ZNF772: variants seen among roughly 807,000 people sequenced by gnomAD.
ZNF772 encodes the protein zinc finger protein 772.
A neutral mutation model predicts 11.0 loss-of-function variants in ZNF772; 8 were observed. The observed-to-expected ratio is 0.73, with a 90% CI of 0.43 to 1.31. The LOEUF is 1.31. Among genes scored for constraint, ZNF772 ranks in the 50% most tolerant of loss-of-function variants. The pLI, the probability that ZNF772 is intolerant of heterozygous loss-of-function variation, is 0.01. For synonymous variants in ZNF772, 155 were observed against 180.4 expected (o/e 0.86, Z 1.13); for missense variants, 496 against 552.3 (o/e 0.90, Z 1.02).
chr19:57,476,491 G>T, intron 2 of ZNF772, 143 bp downstream of exon 2: 1 of 994,996 alleles, frequency 1.0e-6, no homozygotes, highest in South Asian at 1.4e-5. Context: ...CCGGAGTCAG[G>T]ACCCTGGGCT....
chr19:57,473,412 G>A lies in ZNF772; in HGVS notation c.1209C>T (p.Ser403=). 1.2e-6 allele frequency: 2 copies of A among 1,613,452 alleles called. No individual in the cohort carries two copies. The highest frequency in any genetic ancestry group is 1.7e-6 in the Non-Finnish European group (2 of 1,179,886). Residue 403 remains serine (S), a synonymous_variant, in exon 4 of 4, where the codon AGC becomes AGT. Transcript: ENST00000356584. ...GATGCTGAACAAGTACATGTTTGTGGCTAAAGGCTTTTCCACATTCACTGC... is the reference window on the plus strand; with the variant it reads ...GATGCTGAACAAGTACATGTTTGTGACTAAAGGCTTTTCCACATTCACTGC... ...YVCSECGKAF[S]HKHVLVQHHR... is the part of the protein sequence containing the mutation.
In ZNF772 at chr19:57,475,546, C is replaced by G; in HGVS notation, c.199+114G>C. 2 of 1,542,828 alleles carry G rather than the reference C, an allele frequency of 1.3e-6. No homozygotes were observed. The highest frequency in any genetic ancestry group is 1.4e-5 in the African/African-American group (1 of 73,442). On this transcript the variant is annotated intron_variant, in intron 3 of 3. Coordinates refer to ENST00000356584, the MANE Select transcript of ZNF772 (RefSeq NM_001144068.2). This position sits in a 1 kb window ranked among gnomAD's most constrained non-coding sequence, Gnocchi z 4.2. Reference sequence around the variant, plus strand: ...GCACTCACAGAACCTACTCCAGGCACTAAGAAATGAGACAGTGTCCACGGC... The same window carrying G: ...GCACTCACAGAACCTACTCCAGGCAGTAAGAAATGAGACAGTGTCCACGGC...
rs2089221763 is a variant in ZNF772 at position 57,472,113 on chromosome 19, TG to T, written c.*1160del. The T allele has an allele frequency of 2.2e-6, 1 of 456,234 alleles. No homozygotes were observed. The highest frequency in any genetic ancestry group is 2.0e-5 in the African/African-American group (1 of 50,196). 28.3% of individuals were successfully genotyped at this position (456,234 alleles called of 1,614,324 possible). The stretch of plus-strand genomic sequence containing the variant: ...GAAATATTTCTGTAAACCCTCATAA[TG>T]GAGCCAGAGTAATGGAAACACATGT... On this transcript the variant is annotated 3_prime_UTR_variant, in exon 4 of 4. Coordinates refer to ENST00000356584, the MANE Select transcript of ZNF772 (RefSeq NM_001144068.2).
Position 57,473,519 on chromosome 19 carries a change from T to C in ZNF772, c.1102A>G (p.Ile368Val). 1.2e-6 allele frequency: 2 copies of C among 1,613,954 alleles called. No homozygotes were observed. ...TGGCTAAAGAACTTCCCACATGCGA[T>C]GCACTCATAAGGCCTTGCTCCAGTA... The part of the protein sequence containing the change: ...VHTGARPYEC[I>V]ACGKFFSQSS... Residue 368 changes from isoleucine to valine, a missense_variant, in exon 4 of 4, where the codon ATC (isoleucine) becomes GTC (valine). By Grantham distance (29) the Ile-to-Val change is conservative (BLOSUM62 3). Transcript: ENST00000356584.
rs2089205819 is a variant in ZNF772 at position 57,470,849 on chromosome 19, G to A, written c.*2425C>T. 1 of 152,182 alleles carries A rather than the reference G, an allele frequency of 6.6e-6. No homozygotes were observed. The highest frequency in any genetic ancestry group is 2.4e-5 in the African/African-American group (1 of 41,460). The allele number at this position is 152,182 out of a possible 1,614,324, so 9.4% of individuals were successfully genotyped here. Reference sequence around the variant, plus strand: ...CTCTAGAGATAGATGGATGGATGGAGTGACAAACAGATGGACGGACAGACA... The same window carrying A: ...CTCTAGAGATAGATGGATGGATGGAATGACAAACAGATGGACGGACAGACA... On this transcript the variant is annotated 3_prime_UTR_variant, in exon 4 of 4. Transcript: ENST00000356584.
rs760129252 is a variant in ZNF772, at chr19:57,475,624, C to T, written c.199+36G>A. ...TGAAAAAAAGGGGAAGGGCAGGACC[C>T]AGTCCAAGTCACTGGGGTGGATGTG... On this transcript the variant is annotated intron_variant, in intron 3 of 3. Transcript: ENST00000356584. The surrounding 1 kb of genome is among the most constrained non-coding windows in gnomAD (Gnocchi z 4.2). 11 of 1,613,206 alleles carry T rather than the reference C, an allele frequency of 6.8e-6. No homozygotes were observed. The highest frequency in any genetic ancestry group is 9.3e-6 in the Non-Finnish European group (11 of 1,179,506).
In ZNF772 at chr19:57,474,232, G is replaced by A; in HGVS notation, c.389C>T (p.Pro130Leu). 6.2e-7 allele frequency: 1 copy of A among 1,614,168 alleles called. No individual in the cohort carries two copies. Among genetic ancestry groups the A allele is most frequent in the African/African-American group, 1.3e-5 (1 of 75,032 alleles). Residue 130 changes from proline (P) to leucine (L), a missense_variant, in exon 4 of 4, where the codon CCA becomes CTA. Pro to Leu is a moderately conservative substitution (Grantham distance 98). Coordinates refer to ENST00000356584, the MANE Select transcript of ZNF772 (RefSeq NM_001144068.2). The stretch of plus-strand genomic sequence containing the variant: ...TTTCCCACACAGCACACACATGTAT[G>A]GTTTCTGCCCTGGGTGTGTTTCCTG... ...EHQETHPGQK[P>L]YMCVLCGKQF...
Position 57,473,912 on chromosome 19 carries a change from T to G in ZNF772, c.709A>C (p.Lys237Gln). The change falls in exon 4 of 4, where the codon AAA becomes CAA. Residue 237 changes from lysine to glutamine, a missense_variant. Lys to Gln is a moderately conservative substitution (Grantham distance 53). Transcript: ENST00000356584. ...CSECGKTFSR[K>Q]DSLVQHQRVH... The stretch of plus-strand genomic sequence containing the variant: ...CTCTGGTGTTGAACAAGTGAGTCTT[T>G]GCGGCTGAAGGTTTTCCCACATTCA... The G allele has an allele frequency of 6.2e-7, 1 of 1,614,218 alleles. No individual in the cohort carries two copies. The highest frequency in any genetic ancestry group is 1.1e-5 in the South Asian group (1 of 91,080).
At position 57,475,251 on chromosome 19, in the gene ZNF772, C is replaced by T; in HGVS notation, c.199+409G>A. ...GTCTTGCAGGAATAGTGCAGTGGTC[C>T]TAGCAAGTAGCGACCATAATGGTCC... On this transcript the variant is annotated intron_variant, in intron 3 of 3. Coordinates refer to ENST00000356584, the MANE Select transcript of ZNF772 (RefSeq NM_001144068.2). This position sits in a 1 kb window ranked among gnomAD's most constrained non-coding sequence, Gnocchi z 4.2. The T allele has an allele frequency of 7.1e-7, 1 of 1,409,186 alleles. No homozygotes were observed. The highest frequency in any genetic ancestry group is 1.3e-5 in the South Asian group (1 of 76,090). The allele number at this position is 1,409,186 out of a possible 1,614,324, so 87.3% of individuals were successfully genotyped here.
chr19:57,477,313 G>T lies in ZNF772; in HGVS notation c.-4C>A, dbSNP rs145139686. 2 of 1,609,068 alleles carry T rather than the reference G, an allele frequency of 1.2e-6. No individual in the cohort carries two copies. Among genetic ancestry groups the T allele is most frequent in the Non-Finnish European group, 1.7e-6 (2 of 1,177,404 alleles). On this transcript the variant is annotated 5_prime_UTR_variant, in exon 1 of 4. Coordinates refer to ENST00000356584, the MANE Select transcript of ZNF772 (RefSeq NM_001144068.2). ...CCATCGGCTCAGCCGCCGCCATCAGGCCTGTGGACTACGGAAGGGTGGCGA... is the reference window on the plus strand; with the variant it reads ...CCATCGGCTCAGCCGCCGCCATCAGTCCTGTGGACTACGGAAGGGTGGCGA...
chr19:57,477,121 C>G (rs2089293417), intron 1 of ZNF772, among the ~76,000 whole-genome samples, 156 bp downstream of exon 1: 1 of 152,222 alleles, frequency 6.6e-6, no homozygotes, highest in South Asian at 2.1e-4. Context: ...CTGGAACGTC[C>G]TTCAACTCGT....
chr19:57,471,710 A>G lies in ZNF772; in HGVS notation c.*1564T>C, dbSNP rs2360764. 98,995 of 155,146 alleles carry G rather than the reference A, an allele frequency of 0.64. 31,573 individuals are homozygous for G. Among genetic ancestry groups the G allele is most frequent in the South Asian group, 0.73 (3,742 of 5,134 alleles). The allele number at this position is 155,146 out of a possible 1,614,324, so 9.6% of individuals were successfully genotyped here. A position where few individuals can be genotyped will look rare whatever the true frequency, so the allele number is the denominator to read the frequency against. ...GTTCTCTCCTGGATCACTTGCTTTG[A>G]AACTATTTCTCTACAATGGAACACT... On this transcript the variant is annotated 3_prime_UTR_variant, in exon 4 of 4. Coordinates refer to ENST00000356584, the MANE Select transcript of ZNF772 (RefSeq NM_001144068.2).
intron 3 of ZNF772, among the ~76,000 whole-genome samples, chr19:57,474,860 G>A (rs2089264072): frequency 6.6e-6 from 1 of 152,246 alleles, no homozygotes; most frequent in Admixed American, 6.5e-5. Flanking sequence ...GCCATGGAGA[G>A]GAACAGGTGA....
chr19:57,476,843 C>G (rs974259951), intron 1 of ZNF772, among the ~76,000 whole-genome samples, 171 bp from the exon 2 acceptor site: 33 of 152,178 alleles, frequency 2.2e-4, no homozygotes, highest in Non-Finnish European at 2.5e-4. Context: ...GAACAGTGCT[C>G]ATTATCCGCC....
At position 57,473,290 on chromosome 19, in the gene ZNF772, G is replaced by C. The variant is rs145106819; in HGVS notation, c.1331C>G (p.Thr444Ser). 4 of 1,612,802 alleles carry C rather than the reference G, an allele frequency of 2.5e-6. No homozygotes were observed. The highest frequency in any genetic ancestry group is 2.2e-5 in the East Asian group (1 of 44,878). ...TCTCCCATCCTAAGGCCTTTCTCCAGTGTGAATTTTCCAGTGGCGGATGAG... is the reference window on the plus strand; with the variant it reads ...TCTCCCATCCTAAGGCCTTTCTCCACTGTGAATTTTCCAGTGGCGGATGAG... Reference protein sequence around the residue: ...ASLIRHWKIHTGERP With the variant: ...ASLIRHWKIHSGERP The change falls in exon 4 of 4, where the codon ACT (threonine) becomes AGT (serine). Residue 444 changes from threonine (T) to serine (S), a missense_variant. Transcript: ENST00000356584.
rs10153521 is a variant in ZNF772, at chr19:57,472,089, A to G, written c.*1185T>C. 0.65 allele frequency: 296,606 copies of G among 455,360 alleles called. 97,019 individuals are homozygous for G. Among genetic ancestry groups the G allele is most frequent in the East Asian group, 0.72 (10,367 of 14,372 alleles). The allele number at this position is 455,360 out of a possible 1,614,324, so 28.2% of individuals were successfully genotyped here. ...TTAGCCATAAGAGACACAGGTATGG[A>G]AATATTTCTGTAAACCCTCATAATG... On this transcript the variant is annotated 3_prime_UTR_variant, in exon 4 of 4. Coordinates refer to ENST00000356584, the MANE Select transcript of ZNF772 (RefSeq NM_001144068.2).
At position 57,474,151 on chromosome 19, in the gene ZNF772, TTCTCTCCACTG is replaced by T. The variant is rs1174875086; in HGVS notation, c.459_469del (p.His153GlnfsTer4). ...CCTGCTCTTATCACTTCTAAAGGGT[TTCTCTCCACTG>T]TGCTGCTTCTGGTGCTGGTGAAGGT... On this transcript the variant is annotated frameshift_variant, in exon 4 of 4. Transcript: ENST00000356584. LOFTEE classifies it low-confidence loss of function (END_TRUNC). 8.7e-6 allele frequency: 14 copies of T among 1,614,094 alleles called. No individual in the cohort carries two copies. Among genetic ancestry groups the T allele is most frequent in the Non-Finnish European group, 1.2e-5 (14 of 1,180,042 alleles).
Position 57,477,421 on chromosome 19 carries a change from G to T in ZNF772, c.-112C>A. The stretch of plus-strand genomic sequence containing the variant: ...AGGCAGCGCCACTGTCAAGCCTCAG[G>T]CCCACCTCTCTTCAGGGAAGAAGAC... On this transcript the variant is annotated 5_prime_UTR_variant, in exon 1 of 4. Coordinates refer to ENST00000356584, the MANE Select transcript of ZNF772 (RefSeq NM_001144068.2). 8.7e-7 allele frequency: 1 copy of T among 1,147,458 alleles called. No homozygotes were observed. The highest frequency in any genetic ancestry group is 1.3e-6 in the Non-Finnish European group (1 of 783,424). 71.1% of individuals were successfully genotyped at this position (1,147,458 alleles called of 1,614,324 possible). A position where few individuals can be genotyped will look rare whatever the true frequency, so the allele number is the denominator to read the frequency against.
At position 57,473,018 on chromosome 19, in the gene ZNF772, C is replaced by T. The variant is rs2089233244; in HGVS notation, c.*256G>A. 2 of 527,164 alleles carry T rather than the reference C, an allele frequency of 3.8e-6. No individual in the cohort carries two copies. Among genetic ancestry groups the T allele is most frequent in the Admixed American group, 6.6e-5 (2 of 30,486 alleles). 32.7% of individuals were successfully genotyped at this position (527,164 alleles called of 1,614,324 possible). A position where few individuals can be genotyped will look rare whatever the true frequency, so the allele number is the denominator to read the frequency against. ...ACATTGGGGTTACTTTGGCACAAGG[C>T]AGGACTCTTCCAGCACAAAGACAGA... On this transcript the variant is annotated 3_prime_UTR_variant, in exon 4 of 4. Transcript: ENST00000356584.
Sources: allele counts gnomAD v4.1 joint callset (sites outside exome capture counted in the v4.1 genomes callset), GRCh38; gene constraint gnomAD v4.1.1; non-coding constraint Gnocchi (gnomAD v3.1); transcripts MANE v1.5; gene names NCBI Gene and HGNC (gene_info 2026-07-23, HGNC 2026-07-21).